The following ADAMTS12 variants were observed in gnomAD, a reference collection of about 807,000 sequenced individuals.
ADAMTS12 encodes A disintegrin and metalloproteinase with thrombospondin motifs 12.
A neutral mutation model predicts 167.8 loss-of-function variants in ADAMTS12; 118 were observed. The observed-to-expected ratio is 0.70, with a 90% CI of 0.61 to 0.82. The LOEUF is 0.82. Among genes scored for constraint, ADAMTS12 ranks in the 40% least tolerant of loss-of-function variants. The pLI is 0.00. For missense variants in ADAMTS12, 1,916 were observed against 1,998.8 expected, an observed-to-expected ratio of 0.96 and a Z score of 0.79; for synonymous variants, 704 against 716.9, an observed-to-expected ratio of 0.98 and a Z score of 0.29.
intron 6 of ADAMTS12, 62 bp downstream of exon 6, chr5:33,661,854 C>A: frequency 6.2e-7 from 1 of 1,604,350 alleles, no homozygotes; most frequent in Non-Finnish European, 8.5e-7. Context: ...ACCTGGTAAG[C>A]CTTTCACCTG....
chr5:33,830,919 T>C (rs1748274138), intron 2 of ADAMTS12, among the ~76,000 whole-genome samples: 1 of 152,198 alleles, frequency 6.6e-6, no homozygotes, highest in African/African-American at 2.4e-5. Flanking sequence ...GAATTCTTTC[T>C]TATTTTCAGT....
At chr5:33,578,420 C>G (rs930129909) in intron 18 of ADAMTS12, among the ~76,000 whole-genome samples, 2 of 152,182 alleles carry the variant, frequency 1.3e-5, no homozygotes, top group African/African-American at 4.8e-5. Context: ...ATCCCCAAAC[C>G]TAGTGCAACA....
In ADAMTS12 at chr5:33,672,273, C is replaced by A. The variant is rs540906971; in HGVS notation, c.916-10233G>T. On this transcript the variant is annotated intron_variant, in intron 5 of 23. Transcript: ENST00000504830. ...ACATACTCACATACACAGCCCCACA[C>A]CCCCACATACATACACACACCCCCA... is the stretch of plus-strand genomic sequence containing the variant. Among the ~76,000 whole-genome samples the A allele has an allele frequency of 1.7e-3, 251 of 148,302 alleles. 1 individual carries two copies. The highest frequency in any genetic ancestry group is 6.1e-3 in the African/African-American group (243 of 40,140).
intron 2 of ADAMTS12, among the ~76,000 whole-genome samples, chr5:33,783,362 T>G (rs1437980237): frequency 6.6e-6 from 1 of 150,678 alleles, no homozygotes; most frequent in Non-Finnish European, 1.5e-5. Context: ...AAATCTAAAG[T>G]AAGGAAAAAA....
chr5:33,793,246 G>A (rs1482835053), intron 2 of ADAMTS12, among the ~76,000 whole-genome samples: 1 of 152,180 alleles, frequency 6.6e-6, no homozygotes, highest in Non-Finnish European at 1.5e-5. Context: ...CTAACTATTT[G>A]GGACCATGGA....
intron 2 of ADAMTS12, among the ~76,000 whole-genome samples, chr5:33,785,976 T>C (rs1028636328): frequency 2.0e-5 from 3 of 152,320 alleles, no homozygotes; most frequent in Admixed American, 6.5e-5. Context: ...TGGAATACTA[T>C]TCATCAATGA....
chr5:33,874,746 C>G (rs762432551), intron 2 of ADAMTS12, among the ~76,000 whole-genome samples: 7 of 152,018 alleles, frequency 4.6e-5, no homozygotes, highest in Non-Finnish European at 7.4e-5. Flanking sequence ...TTATTCAGCA[C>G]TAAAAAGAAA....
chr5:33,741,932 G>A (rs536545476), intron 3 of ADAMTS12, among the ~76,000 whole-genome samples: 1 of 152,218 alleles, frequency 6.6e-6, no homozygotes, highest in South Asian at 2.1e-4. Context: ...TTATTTGGGG[G>A]GAACATTTCT....
At chr5:33,606,038 C>T (rs561849409) in intron 16 of ADAMTS12, among the ~76,000 whole-genome samples, 1 of 152,214 alleles carries the variant, frequency 6.6e-6, no homozygotes, top group African/African-American at 2.4e-5. Context: ...ACCTCTGCCT[C>T]CCCGGTTCAA....
intron 2 of ADAMTS12, among the ~76,000 whole-genome samples, chr5:33,789,062 G>A (rs867239708): frequency 2.0e-5 from 3 of 152,172 alleles, no homozygotes; most frequent in African/African-American, 7.2e-5. Flanking sequence ...AGGATCACAC[G>A]GATTCTGTAC....
At chr5:33,646,673 AG>A (rs1740679010) in intron 9 of ADAMTS12, among the ~76,000 whole-genome samples, 1 of 152,232 alleles carries the variant, frequency 6.6e-6, no homozygotes, top group African/African-American at 2.4e-5. Flanking sequence ...CCTGACATAA[AG>A]TTTTATAACT....
intron 2 of ADAMTS12, among the ~76,000 whole-genome samples, chr5:33,797,402 G>A (rs569194552): frequency 1.1e-4 from 17 of 152,168 alleles, no homozygotes; most frequent in African/African-American, 4.1e-4. Flanking sequence ...TGTGAACAGA[G>A]TGTGTAACTG....
intron 7 of ADAMTS12, among the ~76,000 whole-genome samples, chr5:33,652,393 A>AT (rs1232714936): frequency 6.6e-6 from 1 of 151,998 alleles, no homozygotes; most frequent in African/African-American, 2.4e-5. Flanking sequence ...GATGTTGAGG[A>AT]TTTTTTATAT....
chr5:33,688,729 C>T (rs189370190), intron 3 of ADAMTS12, among the ~76,000 whole-genome samples: 2 of 152,308 alleles, frequency 1.3e-5, no homozygotes, highest in East Asian at 3.9e-4. Context: ...TGCTTTTTAA[C>T]ATGCCAGTAG....
In ADAMTS12 at chr5:33,597,144, G is replaced by A. The variant is rs1488184597; in HGVS notation, c.2528-1084C>T. On this transcript the variant is annotated intron_variant, in intron 16 of 23. Transcript: ENST00000504830. Reference sequence around the variant, plus strand: ...ACTGAGGCACAGTGAAGTCACAAAGGTTGAGAAAGGGAAAGGACCACTGAC... The same window carrying A: ...ACTGAGGCACAGTGAAGTCACAAAGATTGAGAAAGGGAAAGGACCACTGAC... 3.3e-5 allele frequency among the ~76,000 whole-genome samples: 5 copies of A among 152,154 alleles called. No individual in the cohort carries two copies. In the East Asian group the frequency reaches 9.6e-4, roughly 29 times the overall value.
At chr5:33,610,231 T>C (rs1738664430) in intron 16 of ADAMTS12, among the ~76,000 whole-genome samples, 1 of 152,284 alleles carries the variant, frequency 6.6e-6, no homozygotes, top group African/African-American at 2.4e-5. Context: ...CAAAATAGTA[T>C]TTTTGTTTCA....
intron 2 of ADAMTS12, among the ~76,000 whole-genome samples, chr5:33,757,892 C>T (rs1745221636): frequency 1.3e-5 from 2 of 152,160 alleles, no homozygotes; most frequent in Non-Finnish European, 2.9e-5. Context: ...TGCACAGTTG[C>T]TCATTTCATC....
chr5:33,852,977 G>A (rs13187441), intron 2 of ADAMTS12, among the ~76,000 whole-genome samples: 51,136 of 151,966 alleles, frequency 0.34, 8,812 homozygotes, highest in African/African-American at 0.4. Context: ...CAGAGGCAAG[G>A]TGGCCACAGC....
At chr5:33,573,346 A>G (rs921907429) in intron 19 of ADAMTS12, among the ~76,000 whole-genome samples, 7 of 152,262 alleles carry the variant, frequency 4.6e-5, no homozygotes, top group African/African-American at 1.7e-4. Flanking sequence ...CTGACTTCAA[A>G]CTATACTACA....
Sources: gnomAD v4.1 joint callset for allele counts (sites outside exome capture counted in the v4.1 genomes callset) on GRCh38, gnomAD v4.1.1 for gene constraint, MANE v1.5 for transcripts, NCBI Gene and HGNC (gene_info 2026-07-23, HGNC 2026-07-21) for gene names.